The following RPS6KA5 variants were observed in gnomAD, a reference collection of about 807,000 sequenced individuals.
RPS6KA5 encodes the protein ribosomal protein S6 kinase A5.
A neutral mutation model predicts 85.5 loss-of-function variants in RPS6KA5; 27 were observed. The ratio of observed to expected loss-of-function variants is 0.32; its 90% CI spans 0.23 to 0.44. The LOEUF (loss-of-function observed/expected upper bound fraction) is 0.44. RPS6KA5 is among the 20% of genes least tolerant of loss of function. The pLI, the probability that RPS6KA5 is intolerant of heterozygous loss-of-function variation, is 1.00. For synonymous variants in RPS6KA5, 334 were observed against 348.2 expected, an observed-to-expected ratio of 0.96 and a Z score of 0.46; for missense variants, 811 against 980.9, an observed-to-expected ratio of 0.83 and a Z score of 2.31.
intron 12 of RPS6KA5, 143 bp from the exon 13 acceptor site, chr14:90,894,726 A>C (rs2034744037): frequency 9.7e-7 from 1 of 1,031,544 alleles, no homozygotes; most frequent in Admixed American, 3.0e-5. Flanking sequence ...CATATCTTAG[A>C]GAAAAGGGCT....
chr14:90,907,075 T>C (rs1267185601), intron 7 of RPS6KA5, among the ~76,000 whole-genome samples: 1 of 152,192 alleles, frequency 6.6e-6, no homozygotes, highest in African/African-American at 2.4e-5. Context: ...CAAGTGTACC[T>C]TTCTCCCTCT....
At chr14:90,938,380 G>A (rs191275156) in intron 5 of RPS6KA5, among the ~76,000 whole-genome samples, 191 of 152,266 alleles carry the variant, frequency 1.3e-3, no homozygotes, top group Middle Eastern at 3.4e-3. Flanking sequence ...TGCACGGTGC[G>A]AGCTGTTGGT....
In RPS6KA5 at chr14:90,850,339, C is replaced by T. The variant is rs1267869894; in HGVS notation, c.*21735G>A. The T allele has an allele frequency of 6.6e-6, 1 of 152,020 alleles. No homozygotes were observed. Among genetic ancestry groups the T allele is most frequent in the Non-Finnish European group, 1.5e-5 (1 of 68,006 alleles). The allele number at this position is 152,020 out of a possible 1,614,324, so 9.4% of individuals were successfully genotyped here. ...TGTAGTCAATTTTAAAAATAGACAT[C>T]CTTTCCCTTCTTGCTCCCTCCCATA... On this transcript the variant is annotated 3_prime_UTR_variant, in exon 17 of 17. Coordinates refer to ENST00000614987, the MANE Select transcript of RPS6KA5 (RefSeq NM_004755.4).
chr14:90,958,349 T>C (rs1265228841), intron 3 of RPS6KA5, among the ~76,000 whole-genome samples: 1 of 152,214 alleles, frequency 6.6e-6, no homozygotes, highest in African/African-American at 2.4e-5. Flanking sequence ...ATAAATATGG[T>C]GTATCTCCAA....
intron 1 of RPS6KA5, among the ~76,000 whole-genome samples, chr14:91,004,997 C>CA (rs1018913167): frequency 3.1e-4 from 47 of 151,514 alleles, no homozygotes; most frequent in Admixed American, 7.9e-4. Flanking sequence ...AACAAAAAAA[C>CA]AAAAAAACAG....
intron 5 of RPS6KA5, among the ~76,000 whole-genome samples, chr14:90,936,487 C>T (rs2037264630): frequency 6.6e-6 from 1 of 152,016 alleles, no homozygotes; most frequent in Admixed American, 6.6e-5. Flanking sequence ...TGGCTTGACC[C>T]CAGGAGGCAG....
Position 90,945,644 on chromosome 14 carries a change from C to T in RPS6KA5, c.510+1791G>A, listed in dbSNP as rs116099845. ...TTACTATATTACTCTCATTCCATAT[C>T]AATTGCAGTTATATCCAACATTCAT... On this transcript the variant is annotated intron_variant, in intron 4 of 16. Coordinates refer to ENST00000614987, the MANE Select transcript of RPS6KA5 (RefSeq NM_004755.4). Among the ~76,000 whole-genome samples, 228 of 152,306 alleles carry T rather than the reference C, an allele frequency of 1.5e-3. 1 individual carries two copies. The highest frequency in any genetic ancestry group is 5.2e-3 in the African/African-American group (216 of 41,574).
intron 1 of RPS6KA5, among the ~76,000 whole-genome samples, chr14:91,013,257 T>C (rs888336607): frequency 1.3e-5 from 2 of 152,212 alleles, no homozygotes; most frequent in Non-Finnish European, 2.9e-5. Context: ...TATCCAACAT[T>C]GTGCAAAGCA....
At chr14:90,890,245 T>G (rs1310268910) in intron 14 of RPS6KA5, among the ~76,000 whole-genome samples, 1 of 152,210 alleles carries the variant, frequency 6.6e-6, no homozygotes, top group East Asian at 1.9e-4. Flanking sequence ...TAACTCTCAT[T>G]GATATAAAAC....
rs1034690476 is a variant in RPS6KA5, at chr14:90,869,490, T to A, written c.*2584A>T. The A allele has an allele frequency of 5.3e-5, 8 of 152,188 alleles. No homozygotes were observed. The highest frequency in any genetic ancestry group is 1.9e-4 in the African/African-American group (8 of 41,446). 9.4% of individuals were successfully genotyped at this position (152,188 alleles called of 1,614,324 possible). A position where few individuals can be genotyped will look rare whatever the true frequency, so the allele number is the denominator to read the frequency against. Reference sequence around the variant, plus strand: ...TACAAAATATATGAATCAGGATTTATGTTGGCATGAAAATTATATGCAATA... The same window carrying A: ...TACAAAATATATGAATCAGGATTTAAGTTGGCATGAAAATTATATGCAATA... On this transcript the variant is annotated 3_prime_UTR_variant, in exon 17 of 17. Coordinates refer to ENST00000614987, the MANE Select transcript of RPS6KA5 (RefSeq NM_004755.4).
intron 1 of RPS6KA5, among the ~76,000 whole-genome samples, chr14:91,014,061 T>C (rs1250585701): frequency 6.6e-6 from 1 of 152,162 alleles, no homozygotes; most frequent in Non-Finnish European, 1.5e-5. Flanking sequence ...AAGATCAACT[T>C]TCCAAATGTT....
chr14:90,900,136 CTT>C lies in RPS6KA5; in HGVS notation c.1349_1350del (p.Gln450ArgfsTer26). On this transcript the variant is annotated frameshift_variant, in exon 11 of 17. Coordinates refer to ENST00000614987, the MANE Select transcript of RPS6KA5 (RefSeq NM_004755.4). LOFTEE classifies it high-confidence loss of function. ...TTGCTGATTATTTTGACTGCAAAAG[CTT>C]GGTTACTTTTTTTATGCACACACTT... is the stretch of plus-strand genomic sequence containing the variant. ...CRKCVHKKSN[Q>X]AFAVKIISKR... 6.2e-7 allele frequency: 1 copy of C among 1,601,308 alleles called. No individual in the cohort carries two copies.
intron 1 of RPS6KA5, among the ~76,000 whole-genome samples, chr14:91,034,229 C>G (rs569059430): frequency 1.3e-5 from 2 of 151,142 alleles, no homozygotes; most frequent in Non-Finnish European, 2.9e-5. Flanking sequence ...AGCTTGAACC[C>G]GGGAGGCAGA....
At chr14:90,882,597 C>T (rs931763771) in intron 14 of RPS6KA5, among the ~76,000 whole-genome samples, 3 of 152,100 alleles carry the variant, frequency 2.0e-5, no homozygotes, top group Non-Finnish European at 2.9e-5. Context: ...CAGCTTCTTA[C>T]GGATCTAGAA....
intron 5 of RPS6KA5, among the ~76,000 whole-genome samples, chr14:90,938,220 T>G (rs2037380015): frequency 6.6e-6 from 1 of 152,214 alleles, no homozygotes; most frequent in African/African-American, 2.4e-5. Context: ...AATGATCTCC[T>G]TTGACTCCAT....
At chr14:90,962,824 T>C (rs1381048740) in intron 3 of RPS6KA5, among the ~76,000 whole-genome samples, 1 of 152,218 alleles carries the variant, frequency 6.6e-6, no homozygotes. Context: ...TTCATATATG[T>C]GCATATTTTT....
intron 8 of RPS6KA5, among the ~76,000 whole-genome samples, chr14:90,905,831 C>T (rs1047420049): frequency 2.0e-5 from 3 of 152,006 alleles, no homozygotes; most frequent in South Asian, 2.1e-4. Context: ...ATGGCTAGAT[C>T]TCAAGATCAT....
chr14:90,927,112 ACT>A (rs968859071), intron 5 of RPS6KA5, among the ~76,000 whole-genome samples: 12 of 152,120 alleles, frequency 7.9e-5, no homozygotes, highest in Non-Finnish European at 1.6e-4. Flanking sequence ...ATAATTTCAG[ACT>A]CTGTTAAGTC....
At chr14:90,922,975 CA>C in intron 6 of RPS6KA5, 137 bp downstream of exon 6, 1 of 621,458 alleles carries the variant, frequency 1.6e-6, no homozygotes, top group South Asian at 2.0e-5. Flanking sequence ...GAATACAAAG[CA>C]AAAGAGAAAA....
Sources: gnomAD v4.1 joint callset for allele counts (sites outside exome capture counted in the v4.1 genomes callset) on GRCh38, gnomAD v4.1.1 for gene constraint, MANE v1.5 for transcripts, NCBI Gene and HGNC (gene_info 2026-07-23, HGNC 2026-07-21) for gene names.